The following ZMIZ1 variants were observed in gnomAD, a reference collection of about 807,000 sequenced individuals.
ZMIZ1 encodes the protein zinc finger MIZ-type containing 1, also known as zinc finger MIZ domain-containing protein 1.
In ZMIZ1, 17 loss-of-function variants were observed where a neutral mutation model predicts 113.9. The ratio of observed to expected loss-of-function variants is 0.15; its 90% CI spans 0.10 to 0.22. ZMIZ1 has a LOEUF of 0.22. Ranked by LOEUF, ZMIZ1 falls within the 10% of genes least tolerant of loss-of-function variation. ZMIZ1 has a pLI of 1.00. For synonymous variants in ZMIZ1, 607 were observed against 603.1 expected, an observed-to-expected ratio of 1.01 and a Z score of -0.09; for missense variants, 1,059 against 1,477.8, an observed-to-expected ratio of 0.72 and a Z score of 4.65.
chr10:79,093,052 G>T (rs1055287035), intron 1 of ZMIZ1, among the ~76,000 whole-genome samples: 1 of 151,584 alleles, frequency 6.6e-6, no homozygotes, highest in African/African-American at 2.4e-5. Flanking sequence ...CTGAGGTACA[G>T]AGAGTACCCA....
chr10:79,230,525 G>T (rs1274000086), intron 7 of ZMIZ1, among the ~76,000 whole-genome samples: 2 of 152,230 alleles, frequency 1.3e-5, no homozygotes, highest in African/African-American at 4.8e-5. Flanking sequence ...CAGATGTTTA[G>T]AATCACTTCC....
chr10:79,162,302 G>T (rs1564690274), intron 4 of ZMIZ1, among the ~76,000 whole-genome samples, 169 bp downstream of exon 4: 1 of 152,202 alleles, frequency 6.6e-6, no homozygotes, highest in Non-Finnish European at 1.5e-5. Flanking sequence ...CCCCCAATGG[G>T]CTGTCCCTCT....
chr10:79,098,332 T>C (rs1589268096), intron 1 of ZMIZ1, among the ~76,000 whole-genome samples: 1 of 152,198 alleles, frequency 6.6e-6, no homozygotes, highest in South Asian at 2.1e-4. Context: ...CAGTGTAGTG[T>C]GGTGGTTAGC....
intron 1 of ZMIZ1, among the ~76,000 whole-genome samples, chr10:79,086,110 A>T (rs767089085): frequency 1.3e-5 from 2 of 152,172 alleles, no homozygotes; most frequent in East Asian, 3.9e-4. Flanking sequence ...GACCCCCAGG[A>T]TGTAATGTGG....
chr10:79,243,281 G>A (rs1849965812), intron 7 of ZMIZ1, among the ~76,000 whole-genome samples: 1 of 150,240 alleles, frequency 6.7e-6, no homozygotes, highest in African/African-American at 2.4e-5. Flanking sequence ...CCCCCCGCGC[G>A]CCCCCGGCCC....
rs1554856905 is a variant in ZMIZ1, at chr10:79,145,344, T to TGCCTGCGCGACAGA, written c.-131+5574_-131+5575insCGACAGAGCCTGCG. Among the ~76,000 whole-genome samples the TGCCTGCGCGACAGA allele has an allele frequency of 4.4e-3, 666 of 151,876 alleles. 2 individuals are homozygous for TGCCTGCGCGACAGA. The highest frequency in any genetic ancestry group is 0.015 in the African/African-American group (606 of 41,416). ...CCTTTCCCGAAGCTGCATTCCGGAGTGCCTGCGAGGTGTGCTGGGCTGGGG... is the reference window on the plus strand; with the variant it reads ...CCTTTCCCGAAGCTGCATTCCGGAGTGCCTGCGCGACAGAGCCTGCGAGGTGTGCTGGGCTGGGG... On this transcript the variant is annotated intron_variant, in intron 3 of 24. Transcript: ENST00000334512.
At chr10:79,130,689 C>A (rs1191626561) in intron 2 of ZMIZ1, among the ~76,000 whole-genome samples, 1 of 152,032 alleles carries the variant, frequency 6.6e-6, no homozygotes, top group African/African-American at 2.4e-5. Flanking sequence ...AACCGTGTGA[C>A]CTTGGGCAGT....
At chr10:79,191,607 C>T (rs1413326549) in intron 4 of ZMIZ1, among the ~76,000 whole-genome samples, 3 of 152,200 alleles carry the variant, frequency 2.0e-5, no homozygotes, top group Non-Finnish European at 2.9e-5. Flanking sequence ...CTATCTTCAC[C>T]ATCCTCAGCA....
At chr10:79,093,977 G>C (rs1301111955) in intron 1 of ZMIZ1, among the ~76,000 whole-genome samples, 2 of 152,228 alleles carry the variant, frequency 1.3e-5, no homozygotes, top group African/African-American at 4.8e-5. Flanking sequence ...TTGGGAAAGA[G>C]CTGAGTGTAA....
intron 4 of ZMIZ1, among the ~76,000 whole-genome samples, chr10:79,184,812 T>G (rs1847282503): frequency 6.6e-6 from 1 of 152,254 alleles, no homozygotes; most frequent in Non-Finnish European, 1.5e-5. Context: ...AAGTGTGCTC[T>G]GCATGAAGCC....
At chr10:79,255,374 C>T (rs563022090) in intron 7 of ZMIZ1, among the ~76,000 whole-genome samples, 2 of 152,342 alleles carry the variant, frequency 1.3e-5, no homozygotes, top group East Asian at 3.9e-4. Context: ...CCCCACCCTT[C>T]TTCGGGAATG....
intron 5 of ZMIZ1, among the ~76,000 whole-genome samples, chr10:79,207,667 A>G (rs1440262860): frequency 6.6e-6 from 1 of 152,110 alleles, no homozygotes; most frequent in Non-Finnish European, 1.5e-5. Context: ...CTCTGAGCGG[A>G]CCCAGGCAGG....
chr10:79,112,062 G>A (rs1258000728), intron 1 of ZMIZ1, among the ~76,000 whole-genome samples: 1 of 152,242 alleles, frequency 6.6e-6, no homozygotes, highest in Non-Finnish European at 1.5e-5. Flanking sequence ...TGGCTGGAGT[G>A]TAGAGGGTGT....
At chr10:79,295,097 T>G (rs980454654) in intron 12 of ZMIZ1, 1 of 152,214 alleles carries the variant, frequency 6.6e-6, no homozygotes, top group Non-Finnish European at 1.5e-5. Flanking sequence ...GCACCTCTCC[T>G]GGCACTCAGG....
At position 79,295,621 on chromosome 10, in the gene ZMIZ1, A is replaced by C. The variant is rs548410372; in HGVS notation, c.1231-850A>C. On this transcript the variant is annotated intron_variant, in intron 12 of 24. Transcript: ENST00000334512. ...CACCCAGAGCAGCCACCATGTTGCA[A>C]CAACGTGAGTTGTAGATTCTTCCAC... 13 of 152,334 alleles carry C rather than the reference A, an allele frequency of 8.5e-5. No homozygotes were observed. The East Asian group carries it at 2.5e-3, about 29-fold the overall frequency. The allele number at this position is 152,334 out of a possible 1,614,324, so 9.4% of individuals were successfully genotyped here. A position where few individuals can be genotyped will look rare whatever the true frequency, so the allele number is the denominator to read the frequency against.
At chr10:79,272,283 C>CA (rs370771084) in intron 7 of ZMIZ1, among the ~76,000 whole-genome samples, 117 of 139,734 alleles carry the variant, frequency 8.4e-4, no homozygotes, top group South Asian at 1.3e-3. Context: ...AAGACTGTCT[C>CA]AAAAAAAAAA....
Position 79,311,006 on chromosome 10 carries a change from G to A in ZMIZ1, c.2918G>A (p.Gly973Glu). 6.2e-7 allele frequency: 1 copy of A among 1,613,812 alleles called. No homozygotes were observed. The highest frequency in any genetic ancestry group is 8.5e-7 in the Non-Finnish European group (1 of 1,179,982). Residue 973 changes from glycine to glutamate, a missense_variant, in exon 24 of 25, where the codon GGG becomes GAG. Physicochemically the swap from Gly to Glu is moderately conservative, Grantham distance 98. Coordinates refer to ENST00000334512, the MANE Select transcript of ZMIZ1 (RefSeq NM_020338.4). ...GTACCACACCCCAGCAGCCAGTCAGGGCCTCCATTACATCACAGTGGGGCT... is the reference window on the plus strand; with the variant it reads ...GTACCACACCCCAGCAGCCAGTCAGAGCCTCCATTACATCACAGTGGGGCT... ...LHVPHPSSQS[G>E]PPLHHSGAPP...
chr10:79,180,791 GA>G (rs1847088718), intron 4 of ZMIZ1, among the ~76,000 whole-genome samples: 1 of 152,236 alleles, frequency 6.6e-6, no homozygotes, highest in African/African-American at 2.4e-5. Context: ...GCCATGCAGA[GA>G]AGCCCAGTGC....
chr10:79,225,250 TTAAGATTGAGTTCTTAA>T (rs1849155613), intron 7 of ZMIZ1, among the ~76,000 whole-genome samples: 1 of 152,258 alleles, frequency 6.6e-6, no homozygotes, highest in Non-Finnish European at 1.5e-5. Context: ...ACCGCTTGTA[TTAAGATTGAGTTCTTAA>T]TATTTCTTAA....
Sources: allele counts gnomAD v4.1 joint callset (sites outside exome capture counted in the v4.1 genomes callset), GRCh38; gene constraint gnomAD v4.1.1; transcripts MANE v1.5; gene names NCBI Gene and HGNC (gene_info 2026-07-23, HGNC 2026-07-21).